Variants in GPATCH11 observed in about 807,000 individuals in gnomAD.
The protein encoded by GPATCH11 is G-patch domain containing 11, also known as G patch domain-containing protein 11.
A neutral mutation model predicts 44.8 loss-of-function variants in GPATCH11; 32 were observed. The ratio of observed to expected loss-of-function variants is 0.71; its 90% CI spans 0.54 to 0.96. The LOEUF (loss-of-function observed/expected upper bound fraction) is 0.96, where lower values mean the gene tolerates loss of function less well. GPATCH11 is among the 40% of genes least tolerant of loss of function. GPATCH11 has a pLI of 0.00. For missense variants in GPATCH11, 324 were observed against 303.1 expected, an observed-to-expected ratio of 1.07 and a Z score of -0.51; for synonymous variants, 84 against 94.4, an observed-to-expected ratio of 0.89 and a Z score of 0.64.
intron 8 of GPATCH11, among the ~76,000 whole-genome samples, chr2:37,095,995 C>G (rs1216460536): frequency 6.6e-6 from 1 of 152,138 alleles, no homozygotes; most frequent in Non-Finnish European, 1.5e-5. Flanking sequence ...GTTTCTCCTT[C>G]TAACACCTTT....
At chr2:37,089,554 C>A in intron 2 of GPATCH11, 86 bp from the exon 3 acceptor site, 4 of 1,035,024 alleles carry the variant, frequency 3.9e-6, no homozygotes, top group Non-Finnish European at 4.2e-6. Flanking sequence ...GCAACAAGAG[C>A]GAAACTCCGT....
At chr2:37,090,160 G>A (rs999947190) in intron 3 of GPATCH11, among the ~76,000 whole-genome samples, 14 of 152,254 alleles carry the variant, frequency 9.2e-5, no homozygotes, top group African/African-American at 3.4e-4. Flanking sequence ...TAAGTGATGG[G>A]TTGAGAAGTG....
At chr2:37,093,022 T>C (rs1313393441) in intron 6 of GPATCH11, among the ~76,000 whole-genome samples, 1 of 152,130 alleles carries the variant, frequency 6.6e-6, no homozygotes, top group East Asian at 1.9e-4. Context: ...GGCACACACC[T>C]GTAGTCCTAT....
Position 37,089,012 on chromosome 2 carries a change from G to A in GPATCH11, c.59+572G>A, listed in dbSNP as rs565975672. On this transcript the variant is annotated intron_variant, in intron 2 of 8. Transcript: ENST00000674370. ...TCCTTTTCCTTTATTACATCATATTGTCTCTTCTAGCTGCTATACAACTTT... is the reference window on the plus strand; with the variant it reads ...TCCTTTTCCTTTATTACATCATATTATCTCTTCTAGCTGCTATACAACTTT... 3.3e-5 allele frequency among the ~76,000 whole-genome samples: 5 copies of A among 151,954 alleles called. No individual in the cohort carries two copies. The South Asian group carries it at 1.0e-3, about 32-fold the overall frequency.
chr2:37,089,232 C>T (rs1673188770), intron 2 of GPATCH11, among the ~76,000 whole-genome samples: 1 of 152,072 alleles, frequency 6.6e-6, no homozygotes, highest in Non-Finnish European at 1.5e-5. Context: ...AGAGGTAGTG[C>T]CGAAATATTA....
chr2:37,091,941 A>G lies in GPATCH11; in HGVS notation c.354A>G (p.Ala118=). 1 of 1,612,688 alleles carries G rather than the reference A, an allele frequency of 6.2e-7. No homozygotes were observed. Among genetic ancestry groups the G allele is most frequent in the Non-Finnish European group, 8.5e-7 (1 of 1,178,958 alleles). ...KTGKSGIGHE[A]SLKRKAEEKL... ...GGAAAAGTGGCATTGGTCATGAGGCATCATTAAAACGGAAAGCAGAGGAAA... is the reference window on the plus strand; with the variant it reads ...GGAAAAGTGGCATTGGTCATGAGGCGTCATTAAAACGGAAAGCAGAGGAAA... The change falls in exon 5 of 9, where the codon GCA becomes GCG. Residue 118 remains alanine, a synonymous_variant. Transcript: ENST00000674370.
At chr2:37,093,486 C>A (rs1271667112) in intron 6 of GPATCH11, among the ~76,000 whole-genome samples, 1 of 152,176 alleles carries the variant, frequency 6.6e-6, no homozygotes, top group East Asian at 1.9e-4. Context: ...CTTTCCTGTT[C>A]TTACATATTA....
intron 3 of GPATCH11, 139 bp downstream of exon 3, chr2:37,090,005 A>C (rs1049569039): frequency 1.5e-5 from 10 of 671,634 alleles, no homozygotes; most frequent in African/African-American, 3.6e-5. Flanking sequence ...ATGTATTAAC[A>C]AGCCTTATGG....
chr2:37,093,864 T>A (rs1673444533), intron 6 of GPATCH11, among the ~76,000 whole-genome samples: 1 of 152,024 alleles, frequency 6.6e-6, no homozygotes, highest in Non-Finnish European at 1.5e-5. Context: ...ACCATGTTGG[T>A]CAGGATGATC....
chr2:37,086,585 G>T lies in GPATCH11; in HGVS notation c.-13-1784G>T, dbSNP rs143418730. ...CGAGTGAGGCAGGTGGATCACTTGA[G>T]GCCAGGAGTTTGAGACCAGCCTGGC... On this transcript the variant is annotated intron_variant, in intron 1 of 8. Transcript: ENST00000674370. Among the ~76,000 whole-genome samples, 300 of 152,264 alleles carry T rather than the reference G, an allele frequency of 2.0e-3. 9 individuals are homozygous for T. In the East Asian group the frequency reaches 0.044, roughly 22 times the overall value.
intron 7 of GPATCH11, among the ~76,000 whole-genome samples, chr2:37,095,211 G>A (rs1258288447): frequency 6.6e-6 from 1 of 152,158 alleles, no homozygotes; most frequent in African/African-American, 2.4e-5. Context: ...TTTTCTCAAT[G>A]TTAACAAGCA....
chr2:37,089,750 A>G lies in GPATCH11; in HGVS notation c.170A>G (p.Glu57Gly). 1.3e-6 allele frequency: 2 copies of G among 1,551,974 alleles called. No individual in the cohort carries two copies. Among genetic ancestry groups the G allele is most frequent in the Non-Finnish European group, 8.7e-7 (1 of 1,147,046 alleles). ...NLKNRQKSLKEEEQERRDIGL... is the reference protein window; with the variant it reads ...NLKNRQKSLKGEEQERRDIGL... ...AAAAACAGGCAGAAGAGTTTAAAAG[A>G]AGAAGAACAAGAAAGACGTGACATT... The change falls in exon 3 of 9, where the codon GAA becomes GGA. Residue 57 changes from glutamate to glycine, a missense_variant. By Grantham distance (98) the Glu-to-Gly change is moderately conservative. Transcript: ENST00000674370.
In GPATCH11 at chr2:37,098,610, C is replaced by CA. The variant is rs1451565966; in HGVS notation, c.*2349dup. 6.6e-6 allele frequency: 1 copy of CA among 152,160 alleles called. No individual in the cohort carries two copies. Among genetic ancestry groups the CA allele is most frequent in the Non-Finnish European group, 1.5e-5 (1 of 68,064 alleles). 9.4% of individuals were successfully genotyped at this position (152,160 alleles called of 1,614,324 possible). A position where few individuals can be genotyped will look rare whatever the true frequency, so the allele number is the denominator to read the frequency against. ...TAAAATATTTTAAATATGTTCATGA[C>CA]AATTATGCTGAGAATGCCAGGATAA... On this transcript the variant is annotated 3_prime_UTR_variant, in exon 9 of 9. Transcript: ENST00000674370.
At chr2:37,091,821 A>T (rs1673332394) in intron 4 of GPATCH11, 95 bp from the exon 5 acceptor site, 43 of 1,192,002 alleles carry the variant, frequency 3.6e-5, no homozygotes, top group Non-Finnish European at 4.9e-5. Flanking sequence ...GATAGTACTC[A>T]AATGAGAATT....
In GPATCH11 at chr2:37,084,553, C is replaced by G. The variant is rs1572969598; in HGVS notation, c.-31C>G. The G allele has an allele frequency of 8.1e-7, 1 of 1,230,810 alleles. No individual in the cohort carries two copies. The highest frequency in any genetic ancestry group is 1.0e-6 in the Non-Finnish European group (1 of 988,158). The allele number at this position is 1,230,810 out of a possible 1,614,324, so 76.2% of individuals were successfully genotyped here. A position where few individuals can be genotyped will look rare whatever the true frequency, so the allele number is the denominator to read the frequency against. ...CGCGCTCTACGGCGCTGAACCGGGG[C>G]GAGCAGAGAGCTGTCAGGTAAGAGA... On this transcript the variant is annotated 5_prime_UTR_variant, in exon 1 of 9. Transcript: ENST00000674370.
In GPATCH11 at chr2:37,089,768, G is replaced by A. The variant is rs1168508291; in HGVS notation, c.188G>A (p.Arg63His). The A allele has an allele frequency of 2.4e-5, 38 of 1,551,790 alleles. No individual in the cohort carries two copies. The highest frequency in any genetic ancestry group is 3.0e-5 in the Non-Finnish European group (34 of 1,147,042). ...TTAAAAGAAGAAGAACAAGAAAGAC[G>A]TGACATTGGGTTGAAGAATGCACTA... ...KSLKEEEQER[R>H]DIGLKNALGC... Residue 63 changes from arginine (R) to histidine (H), a missense_variant, in exon 3 of 9, where the codon CGT becomes CAT. By Grantham distance (29) the Arg-to-His change is conservative. Coordinates refer to ENST00000674370, the MANE Select transcript of GPATCH11 (RefSeq NM_174931.4).
At chr2:37,095,123 A>T (rs762098852) in intron 7 of GPATCH11, among the ~76,000 whole-genome samples, 2 of 152,202 alleles carry the variant, frequency 1.3e-5, no homozygotes, top group Non-Finnish European at 2.9e-5. Context: ...CCTTCACCTT[A>T]TCTGGGGGAG....
chr2:37,084,720 C>G, intron 1 of GPATCH11, 150 bp downstream of exon 1: 1 of 531,062 alleles, frequency 1.9e-6, no homozygotes, highest in Middle Eastern at 5.4e-4. Context: ...AGGAGGAACG[C>G]GTGAGGGAAG....
chr2:37,087,809 T>TGAAG (rs1479033308), intron 1 of GPATCH11, among the ~76,000 whole-genome samples: 1 of 152,210 alleles, frequency 6.6e-6, no homozygotes, highest in Non-Finnish European at 1.5e-5. Flanking sequence ...TGTCAGATTA[T>TGAAG]GAAGGACAAC....
Sources: allele counts gnomAD v4.1 joint callset (sites outside exome capture counted in the v4.1 genomes callset), GRCh38; gene constraint gnomAD v4.1.1; transcripts MANE v1.5; gene names NCBI Gene and HGNC (gene_info 2026-07-23, HGNC 2026-07-21).